Variants in SLTM observed in about 807,000 individuals in gnomAD.
SLTM encodes SAFB-like transcription modulator.
A neutral mutation model predicts 134.6 loss-of-function variants in SLTM; 43 were observed. That is an observed-to-expected ratio of 0.32 (90% CI 0.25 to 0.41). The LOEUF is 0.41. Among genes scored for constraint, SLTM ranks in the 10% least tolerant of loss-of-function variants. The probability of loss-of-function intolerance (pLI) is 1.00; values close to 1 mark genes in which losing one functional copy is unlikely to be tolerated. For missense variants in SLTM, 1,055 were observed against 1,288.8 expected, an observed-to-expected ratio of 0.82 and a Z score of 2.78; for synonymous variants, 424 against 432.3, an observed-to-expected ratio of 0.98 and a Z score of 0.24.
rs545480955 is a variant in SLTM, at chr15:58,903,115, C to T, written c.562-1828G>A. Among the ~76,000 whole-genome samples the T allele has an allele frequency of 1.1e-3, 162 of 151,890 alleles. 2 individuals carry two copies. Among genetic ancestry groups the T allele is most frequent in the Non-Finnish European group, 1.9e-3 (130 of 67,888 alleles). ...TGGGGTTTCACCATGTTAGCCAAGA[C>T]AGTCTCGATCTCCTGACCTCGTGAT... On this transcript the variant is annotated intron_variant, in intron 5 of 20. Transcript: ENST00000380516.
chr15:58,913,915 C>T (rs2036453378), intron 3 of SLTM: 3 of 442,722 alleles, frequency 6.8e-6, no homozygotes, highest in Non-Finnish European at 1.2e-5. Context: ...ATTTCTCACA[C>T]TAAAATGCAC....
At chr15:58,888,681 A>C in intron 16 of SLTM, 126 bp from the exon 17 acceptor site, 1 of 801,676 alleles carries the variant, frequency 1.2e-6, no homozygotes, top group Non-Finnish European at 1.9e-6. Flanking sequence ...CTCAAGACAT[A>C]ACACATCAGG....
chr15:58,887,053 C>G lies in SLTM; in HGVS notation c.2757G>C (p.Gly919=), dbSNP rs143521981. 5.5e-5 allele frequency: 89 copies of G among 1,613,846 alleles called. 1 individual carries two copies. In the African/African-American group the frequency reaches 1.1e-3, roughly 21 times the overall value. ...SGHSVRGAPP[G]NRSSASGYGS... ...CGTACCCCGAAGCGCTGCTACGATT[C>G]CCAGGGGGAGCGCCTCTCACACTGT... Residue 919 remains glycine, a synonymous_variant, in exon 19 of 21, where the codon GGG becomes GGC. Coordinates refer to ENST00000380516, the MANE Select transcript of SLTM (RefSeq NM_024755.4).
chr15:58,925,629 CA>C (rs1256947317), intron 2 of SLTM, among the ~76,000 whole-genome samples: 1 of 152,178 alleles, frequency 6.6e-6, no homozygotes, highest in Non-Finnish European at 1.5e-5. Flanking sequence ...TGAGCCATCC[CA>C]CCTGGCCCAA....
intron 20 of SLTM, among the ~76,000 whole-genome samples, chr15:58,881,206 A>G (rs1434800242): frequency 6.6e-6 from 1 of 151,788 alleles, no homozygotes; most frequent in East Asian, 2.0e-4. Flanking sequence ...AAAAGAAAAA[A>G]CTTTAACAAA....
At chr15:58,908,362 G>A (rs745377514) in intron 5 of SLTM, among the ~76,000 whole-genome samples, 1 of 151,724 alleles carries the variant, frequency 6.6e-6, no homozygotes, top group Non-Finnish European at 1.5e-5. Context: ...CATCCAGCCA[G>A]ATTAAATTTT....
intron 2 of SLTM, among the ~76,000 whole-genome samples, chr15:58,927,396 A>G (rs2037554412): frequency 6.6e-6 from 1 of 152,058 alleles, no homozygotes; most frequent in South Asian, 2.1e-4. Context: ...CGGCCTCCCA[A>G]GTAGCGAGGA....
At chr15:58,914,124 A>C (rs1034479066) in intron 3 of SLTM, among the ~76,000 whole-genome samples, 3 of 152,260 alleles carry the variant, frequency 2.0e-5, no homozygotes, top group Admixed American at 1.3e-4. Flanking sequence ...TGCTGCATCA[A>C]TGTCTGTTCT....
intron 5 of SLTM, among the ~76,000 whole-genome samples, chr15:58,907,054 C>T (rs2035910414): frequency 6.6e-6 from 1 of 151,852 alleles, no homozygotes; most frequent in South Asian, 2.1e-4. Flanking sequence ...CACATGTGAA[C>T]CATATAAGAT....
intron 2 of SLTM, among the ~76,000 whole-genome samples, chr15:58,920,582 C>T (rs193165420): frequency 1.3e-4 from 20 of 151,040 alleles, no homozygotes; most frequent in East Asian, 3.9e-4. Context: ...AAGATAGCAA[C>T]GCAGCACTCC....
At chr15:58,925,310 C>T (rs1165537904) in intron 2 of SLTM, among the ~76,000 whole-genome samples, 2 of 152,212 alleles carry the variant, frequency 1.3e-5, no homozygotes, top group African/African-American at 4.8e-5. Context: ...GTCTTAAACA[C>T]AACAGTCATA....
At chr15:58,902,313 T>C (rs1055130890) in intron 5 of SLTM, among the ~76,000 whole-genome samples, 1 of 152,092 alleles carries the variant, frequency 6.6e-6, no homozygotes, top group Non-Finnish European at 1.5e-5. Flanking sequence ...TCAAGCTGAT[T>C]CTCCCACCTT....
Position 58,894,160 on chromosome 15 carries a change from TCTTC to T in SLTM, c.1407_1410del (p.Met469IlefsTer52). On this transcript the variant is annotated frameshift_variant, in exon 11 of 21. Transcript: ENST00000380516. LOFTEE classifies it high-confidence loss of function. ...GAACTACTCTTTTCATCATTTTCTT[TCTTC>T]ATTTCTTTCTTAGAGGGATCACCTT... 6.2e-7 allele frequency: 1 copy of T among 1,611,916 alleles called. No individual in the cohort carries two copies. Among genetic ancestry groups the T allele is most frequent in the Non-Finnish European group, 8.5e-7 (1 of 1,178,916 alleles).
intron 2 of SLTM, chr15:58,921,605 G>C (rs2037050564): frequency 2.3e-6 from 1 of 441,610 alleles, no homozygotes; most frequent in South Asian, 1.6e-5. Context: ...ATTAGGACAA[G>C]ATTGTCAAAC....
Position 58,933,404 on chromosome 15 carries a change from C to G in SLTM, c.162G>C (p.Gln54His). 1 of 1,578,044 alleles carries G rather than the reference C, an allele frequency of 6.3e-7. No homozygotes were observed. The highest frequency in any genetic ancestry group is 1.1e-5 in the South Asian group (1 of 87,726). Residue 54 changes from glutamine to histidine, a missense_variant and splice_region_variant, in exon 1 of 21, where the codon CAG (glutamine) becomes CAC (histidine). Around this residue, in one of 3 missense-constraint regions of SLTM, gnomAD observed 268 missense variants for 284.3 expected, o/e 0.94. Coordinates refer to ENST00000380516, the MANE Select transcript of SLTM (RefSeq NM_024755.4). ...VKTVLISRLK[Q>H]AIEEEGGDPD... ...CTTTCCGGTCCTCGCCGGGCCTCAC[C>G]TGCTTGAGTCGGGAGATGAGCACGG...
chr15:58,898,647 A>G (rs1189218702), intron 8 of SLTM, 156 bp downstream of exon 8: 10 of 600,490 alleles, frequency 1.7e-5, no homozygotes, highest in Admixed American at 1.6e-4. Flanking sequence ...TGTAATATAT[A>G]TAATTCCACA....
intron 3 of SLTM, among the ~76,000 whole-genome samples, chr15:58,914,962 G>A (rs1325888837): frequency 6.6e-6 from 1 of 152,208 alleles, no homozygotes; most frequent in African/African-American, 2.4e-5. Flanking sequence ...TTAGGAGGCC[G>A]ACGGGTGGAT....
rs2038046996 is a variant in SLTM, at chr15:58,933,477, A to T, written c.89T>A (p.Leu30Gln). The T allele has an allele frequency of 6.3e-7, 1 of 1,598,532 alleles. No individual in the cohort carries two copies. Among genetic ancestry groups the T allele is most frequent in the Non-Finnish European group, 8.5e-7 (1 of 1,173,304 alleles). ...GTTCCGCCGCTTCAGCTCGGACTTC[A>T]GATCGATGACCCGCAGATCGGTGAT... Reference protein sequence around the residue: ...KKITDLRVIDLKSELKRRNLD... With the variant: ...KKITDLRVIDQKSELKRRNLD... Residue 30 changes from leucine to glutamine, a missense_variant, in exon 1 of 21, where the codon CTG becomes CAG. By Grantham distance (113) the Leu-to-Gln change is moderately radical. Around this residue, in one of 3 missense-constraint regions of SLTM, gnomAD observed 268 missense variants for 284.3 expected, o/e 0.94. Transcript: ENST00000380516.
chr15:58,914,778 T>C lies in SLTM; in HGVS notation c.316-1082A>G, dbSNP rs147827697. Among the ~76,000 whole-genome samples the C allele has an allele frequency of 1.3e-3, 192 of 152,380 alleles. 1 individual carries two copies. Among genetic ancestry groups the C allele is most frequent in the African/African-American group, 3.4e-3 (143 of 41,590 alleles). On this transcript the variant is annotated intron_variant, in intron 3 of 20. Coordinates refer to ENST00000380516, the MANE Select transcript of SLTM (RefSeq NM_024755.4). ...AGGTGATATTTACCAACCATTACTGTATAAATTCCAAAATTATCAACTGTG... is the reference window on the plus strand; with the variant it reads ...AGGTGATATTTACCAACCATTACTGCATAAATTCCAAAATTATCAACTGTG...
Sources: allele counts gnomAD v4.1 joint callset (sites outside exome capture counted in the v4.1 genomes callset), GRCh38; gene constraint gnomAD v4.1.1; regional missense constraint gnomAD v4.1.1; transcripts MANE v1.5; gene names NCBI Gene and HGNC (gene_info 2026-07-23, HGNC 2026-07-21).